LRMDA: variants seen among roughly 807,000 people sequenced by gnomAD.
LRMDA encodes leucine rich melanocyte differentiation associated.
A neutral mutation model predicts 29.8 loss-of-function variants in LRMDA; 18 were observed. The observed-to-expected ratio is 0.60, with a 90% CI of 0.42 to 0.90. LRMDA has a LOEUF of 0.90. Among genes scored for constraint, LRMDA ranks in the 40% least tolerant of loss-of-function variants. The pLI, the probability that LRMDA is intolerant of heterozygous loss-of-function variation, is 0.00. For synonymous variants in LRMDA, 125 were observed against 109.4 expected (o/e 1.14, Z -0.89); for missense variants, 273 against 273.9 (o/e 1.00, Z 0.02).
At chr10:75,435,310 G>A (rs1361966625) in intron 1 of LRMDA, among the ~76,000 whole-genome samples, 1 of 152,286 alleles carries the variant, frequency 6.6e-6, no homozygotes, top group East Asian at 1.9e-4. Context: ...CTTACATTAG[G>A]TGGTCCTGTG....
At chr10:75,501,764 G>A (rs922693087) in intron 2 of LRMDA, among the ~76,000 whole-genome samples, 1 of 152,184 alleles carries the variant, frequency 6.6e-6, no homozygotes, top group Admixed American at 6.5e-5. Context: ...GGAAGATATT[G>A]CTATTTAAAA....
chr10:75,648,820 T>C (rs1278755822), intron 2 of LRMDA, among the ~76,000 whole-genome samples: 4 of 152,194 alleles, frequency 2.6e-5, no homozygotes, highest in African/African-American at 9.7e-5. Flanking sequence ...GACTCCCTGG[T>C]GCTCTGTCTC....
intron 5 of LRMDA, among the ~76,000 whole-genome samples, chr10:76,321,221 A>T (rs1840766837): frequency 6.6e-6 from 1 of 152,194 alleles, no homozygotes; most frequent in Non-Finnish European, 1.5e-5. Context: ...AAATTGCTGC[A>T]CCAATTTTCA....
intron 5 of LRMDA, among the ~76,000 whole-genome samples, chr10:76,198,600 T>C (rs1851373414): frequency 6.6e-6 from 1 of 152,178 alleles, no homozygotes; most frequent in African/African-American, 2.4e-5. Context: ...ATCGCCCTAT[T>C]CTAGGTTAAG....
chr10:75,846,177 TTGTGTG>T (rs59549881), intron 2 of LRMDA, among the ~76,000 whole-genome samples: 1,535 of 143,064 alleles, frequency 0.011, 33 homozygotes, highest in African/African-American at 0.037. Flanking sequence ...GTGTGTGTGT[TTGTGTG>T]TGTGTGTGTG....
In LRMDA at chr10:76,005,497, C is replaced by T. The variant is rs564975941; in HGVS notation, c.132-30511C>T. Among the ~76,000 whole-genome samples, 101 of 152,200 alleles carry T rather than the reference C, an allele frequency of 6.6e-4. 2 individuals are homozygous for T. In the South Asian group the frequency reaches 0.02, roughly 30 times the overall value. On this transcript the variant is annotated intron_variant, in intron 2 of 6. Transcript: ENST00000611255. The stretch of plus-strand genomic sequence containing the variant: ...CCAGTTTCCTTGGCACATGTAGTTC[C>T]AGCTACTTGTGAGGCTGAGACGGGA...
chr10:76,544,691 T>A (rs867862717), intron 6 of LRMDA, among the ~76,000 whole-genome samples: 1 of 147,650 alleles, frequency 6.8e-6, no homozygotes, highest in East Asian at 2.0e-4. Flanking sequence ...CATACACATA[T>A]ACATTTACAT....
At chr10:76,327,156 A>G (rs1446427873) in intron 6 of LRMDA, among the ~76,000 whole-genome samples, 4 of 150,784 alleles carry the variant, frequency 2.7e-5, no homozygotes, top group Non-Finnish European at 5.9e-5. Context: ...CAATGGCACA[A>G]TCTTAGCTCA....
intron 6 of LRMDA, among the ~76,000 whole-genome samples, chr10:76,359,729 A>G (rs749646730): frequency 2.0e-5 from 3 of 152,232 alleles, no homozygotes; most frequent in Non-Finnish European, 4.4e-5. Flanking sequence ...GTCAAAGGAC[A>G]CATGAATGAA....
chr10:75,937,758 T>G (rs1846322815), intron 2 of LRMDA, among the ~76,000 whole-genome samples: 1 of 152,180 alleles, frequency 6.6e-6, no homozygotes, highest in South Asian at 2.1e-4. Context: ...GCCTCTTAGA[T>G]TAAACATTTT....
At chr10:75,472,039 A>G (rs1429090933) in intron 2 of LRMDA, among the ~76,000 whole-genome samples, 1 of 152,056 alleles carries the variant, frequency 6.6e-6, no homozygotes, top group Non-Finnish European at 1.5e-5. Flanking sequence ...GTCTCTTTTT[A>G]CCCACCAGTT....
At chr10:75,477,863 A>G (rs1039166389) in intron 2 of LRMDA, among the ~76,000 whole-genome samples, 2 of 152,014 alleles carry the variant, frequency 1.3e-5, no homozygotes, top group African/African-American at 4.8e-5. Flanking sequence ...CTTTGACAGA[A>G]CTCCCTGTCA....
At position 76,331,121 on chromosome 10, in the gene LRMDA, A is replaced by T. The variant is rs1443019493; in HGVS notation, c.601+6636A>T. On this transcript the variant is annotated intron_variant, in intron 6 of 6. Coordinates refer to ENST00000611255, the MANE Select transcript of LRMDA (RefSeq NM_001305581.2). ...CCCCATCTCTACTAACAATACAAAAATTAGTTGGGTGCAGTGGCAGGCACC... is the reference window on the plus strand; with the variant it reads ...CCCCATCTCTACTAACAATACAAAATTTAGTTGGGTGCAGTGGCAGGCACC... Among the ~76,000 whole-genome samples, 3 of 152,186 alleles carry T rather than the reference A, an allele frequency of 2.0e-5. No homozygotes were observed. The East Asian group carries it at 5.8e-4, about 29-fold the overall frequency.
intron 4 of LRMDA, among the ~76,000 whole-genome samples, chr10:76,053,150 C>G (rs1192172776): frequency 6.6e-6 from 1 of 152,038 alleles, no homozygotes; most frequent in Admixed American, 6.6e-5. Context: ...ACCTGCAAAC[C>G]CTATTCCCGA....
chr10:75,901,473 G>A (rs1374800427), intron 2 of LRMDA, among the ~76,000 whole-genome samples: 1 of 152,184 alleles, frequency 6.6e-6, no homozygotes, highest in African/African-American at 2.4e-5. Flanking sequence ...AGACATGTGT[G>A]TGTCTTTGTC....
intron 2 of LRMDA, among the ~76,000 whole-genome samples, chr10:75,802,335 G>GCGCACACA (rs1375156075): frequency 2.7e-5 from 4 of 147,146 alleles, no homozygotes; most frequent in East Asian, 2.0e-4. Flanking sequence ...ACACACACGC[G>GCGCACACA]CACACACACA....
chr10:76,450,305 G>A (rs1307623605), intron 6 of LRMDA, among the ~76,000 whole-genome samples: 5 of 151,928 alleles, frequency 3.3e-5, no homozygotes, highest in African/African-American at 1.2e-4. Flanking sequence ...AGAAGGGTGA[G>A]GCCAGCCTTA....
intron 2 of LRMDA, among the ~76,000 whole-genome samples, chr10:75,527,317 A>G (rs993476659): frequency 2.0e-5 from 3 of 152,244 alleles, no homozygotes; most frequent in Admixed American, 2.0e-4. Context: ...TTGATTTTAC[A>G]TTTTGCTATT....
intron 2 of LRMDA, among the ~76,000 whole-genome samples, chr10:75,495,458 A>G (rs754112185): frequency 2.6e-5 from 4 of 152,094 alleles, no homozygotes; most frequent in Non-Finnish European, 4.4e-5. Flanking sequence ...TCTCCTCTGC[A>G]TAACATTTTC....
Sources: gnomAD v4.1 joint callset for allele counts (sites outside exome capture counted in the v4.1 genomes callset) on GRCh38, gnomAD v4.1.1 for gene constraint, MANE v1.5 for transcripts, NCBI Gene and HGNC (gene_info 2026-07-23, HGNC 2026-07-21) for gene names.